The following KBTBD2 variants were observed in gnomAD, a reference collection of about 807,000 sequenced individuals.
KBTBD2 encodes kelch repeat and BTB domain-containing protein 2.
A neutral mutation model predicts 57.1 loss-of-function variants in KBTBD2; 17 were observed. The ratio of observed to expected loss-of-function variants is 0.30; its 90% CI spans 0.20 to 0.45. The LOEUF is 0.45. KBTBD2 is among the 20% of genes least tolerant of loss of function. KBTBD2 has a pLI of 1.00. For synonymous variants in KBTBD2, 267 were observed against 262.7 expected (o/e 1.02, Z -0.16); for missense variants, 515 against 750.6 (o/e 0.69, Z 3.67).
intron 1 of KBTBD2, among the ~76,000 whole-genome samples, chr7:32,888,090 TTC>T (rs1784625418): frequency 6.6e-6 from 1 of 152,268 alleles, no homozygotes; most frequent in African/African-American, 2.4e-5. Flanking sequence ...TCTTTTTTCA[TTC>T]TGTCTAAATG....
rs1194293367 is a variant in KBTBD2, at chr7:32,870,278, A to C, written c.939T>G (p.Thr313=). The C allele has an allele frequency of 1.9e-6, 3 of 1,614,144 alleles. No individual in the cohort carries two copies. Among genetic ancestry groups the C allele is most frequent in the Non-Finnish European group, 2.5e-6 (3 of 1,180,002 alleles). Residue 313 remains threonine (T), a synonymous_variant, in exon 4 of 4, where the codon ACT becomes ACG. Coordinates refer to ENST00000304056, the MANE Select transcript of KBTBD2 (RefSeq NM_015483.3). ...CTGCTATGTAGATATCATTATCAGG[A>C]GTTACAACGGTCCCAACCTTATGCA... ...ADLHKVGTVV[T]PDNDIYIAGG...
At chr7:32,888,652 A>ATCAC (rs1784643844) in intron 1 of KBTBD2, among the ~76,000 whole-genome samples, 4 of 151,052 alleles carry the variant, frequency 2.6e-5, no homozygotes, top group East Asian at 2.0e-4. Context: ...CCGAGATCGC[A>ATCAC]TCACTGCACT....
At chr7:32,878,138 T>C (rs1037941594) in intron 2 of KBTBD2, among the ~76,000 whole-genome samples, 7 of 150,902 alleles carry the variant, frequency 4.6e-5, no homozygotes, top group Admixed American at 1.3e-4. Context: ...ATTGTAGGCA[T>C]AGCAAAGGCA....
chr7:32,876,800 T>C (rs545735633), intron 2 of KBTBD2, among the ~76,000 whole-genome samples: 6 of 151,832 alleles, frequency 4.0e-5, no homozygotes, highest in Non-Finnish European at 8.8e-5. Context: ...CACTAAAAAA[T>C]ACAAAAATTT....
chr7:32,888,024 C>T lies in KBTBD2; in HGVS notation c.-339+3512G>A, dbSNP rs541140601. 2.0e-5 allele frequency among the ~76,000 whole-genome samples: 3 copies of T among 152,318 alleles called. No individual in the cohort carries two copies. In the South Asian group the frequency reaches 6.2e-4, roughly 32 times the overall value. ...ACTTTCCCAACTCCTGGATTCCACA[C>T]CTTCACCAGGTCCGAAGATTCCAAT... is the stretch of plus-strand genomic sequence containing the variant. On this transcript the variant is annotated intron_variant, in intron 1 of 3. Coordinates refer to ENST00000304056, the MANE Select transcript of KBTBD2 (RefSeq NM_015483.3).
chr7:32,880,743 TA>T (rs1784426348), intron 1 of KBTBD2, among the ~76,000 whole-genome samples: 1 of 152,180 alleles, frequency 6.6e-6, no homozygotes, highest in African/African-American at 2.4e-5. Context: ...GGCAAGTTTT[TA>T]ATGATTTTTA....
At chr7:32,878,463 C>T (rs1784369980) in intron 2 of KBTBD2, among the ~76,000 whole-genome samples, 1 of 151,886 alleles carries the variant, frequency 6.6e-6, no homozygotes, top group Non-Finnish European at 1.5e-5. Context: ...GCCTGTAATC[C>T]CAGCTACTTG....
In KBTBD2 at chr7:32,869,161, A is replaced by G. The variant is rs1784101942; in HGVS notation, c.*184T>C. 1.9e-6 allele frequency: 1 copy of G among 525,320 alleles called. No individual in the cohort carries two copies. Among genetic ancestry groups the G allele is most frequent in the South Asian group, 3.0e-5 (1 of 33,154 alleles). The allele number at this position is 525,320 out of a possible 1,614,324, so 32.5% of individuals were successfully genotyped here. A position where few individuals can be genotyped will look rare whatever the true frequency, so the allele number is the denominator to read the frequency against. ...ATAATCTATTTCATATTATGGAAGC[A>G]TATCTTTCTGTAAGACTCACTGATA... On this transcript the variant is annotated 3_prime_UTR_variant, in exon 4 of 4. Transcript: ENST00000304056.
At chr7:32,889,243 A>G (rs1784665351) in intron 1 of KBTBD2, among the ~76,000 whole-genome samples, 1 of 151,582 alleles carries the variant, frequency 6.6e-6, no homozygotes, top group African/African-American at 2.4e-5. Flanking sequence ...GTGAGCCAAG[A>G]TCGCGCCACC....
intron 3 of KBTBD2, among the ~76,000 whole-genome samples, chr7:32,873,984 C>T (rs1784245693): frequency 6.6e-6 from 1 of 152,026 alleles, no homozygotes; most frequent in African/African-American, 2.4e-5. Context: ...ATTACTGGGC[C>T]AGGCATGGTG....
intron 3 of KBTBD2, among the ~76,000 whole-genome samples, chr7:32,873,881 A>G (rs1208349654): frequency 6.6e-6 from 1 of 152,266 alleles, no homozygotes; most frequent in East Asian, 1.9e-4. Flanking sequence ...TGGGTAATCA[A>G]ATCCTATTGT....
intron 3 of KBTBD2, among the ~76,000 whole-genome samples, chr7:32,871,313 C>T (rs1044924205): frequency 2.0e-5 from 3 of 152,150 alleles, no homozygotes; most frequent in Non-Finnish European, 4.4e-5. Flanking sequence ...AACACAGTCA[C>T]ATAAAACCAG....
chr7:32,879,696 C>G lies in KBTBD2; in HGVS notation c.-92G>C. 3.9e-6 allele frequency: 4 copies of G among 1,019,674 alleles called. No individual in the cohort carries two copies. The highest frequency in any genetic ancestry group is 5.9e-6 in the Non-Finnish European group (4 of 680,780). 63.2% of individuals were successfully genotyped at this position (1,019,674 alleles called of 1,614,324 possible). On this transcript the variant is annotated 5_prime_UTR_variant, in exon 2 of 4. Transcript: ENST00000304056. ...TGAATACTTCAGAAATAAAGGAGAACCTACTTGCTGTTATCTGCAGCATTC... is the reference window on the plus strand; with the variant it reads ...TGAATACTTCAGAAATAAAGGAGAAGCTACTTGCTGTTATCTGCAGCATTC...
chr7:32,887,611 G>C (rs1435719874), intron 1 of KBTBD2, among the ~76,000 whole-genome samples: 1 of 152,186 alleles, frequency 6.6e-6, no homozygotes, highest in Non-Finnish European at 1.5e-5. Flanking sequence ...CCTGTAGGAA[G>C]CACATTCAAA....
chr7:32,869,602 G>C lies in KBTBD2; in HGVS notation c.1615C>G (p.Arg539Gly). Reference protein sequence around the residue: ...VISNSLCVFMRETHLNERAKY... With the variant: ...VISNSLCVFMGETHLNERAKY... ...GCTCGCTCATTTAAGTGGGTTTCTCGCATAAACACACATAGAGAATTTGAG... is the reference window on the plus strand; with the variant it reads ...GCTCGCTCATTTAAGTGGGTTTCTCCCATAAACACACATAGAGAATTTGAG... The change falls in exon 4 of 4, where the codon CGA (arginine) becomes GGA (glycine). Residue 539 changes from arginine to glycine, a missense_variant. Physicochemically the swap from Arg to Gly is moderately radical, Grantham distance 125 (BLOSUM62 -2). Coordinates refer to ENST00000304056, the MANE Select transcript of KBTBD2 (RefSeq NM_015483.3). The C allele has an allele frequency of 2.5e-6, 4 of 1,614,068 alleles. No individual in the cohort carries two copies. Among genetic ancestry groups the C allele is most frequent in the Non-Finnish European group, 3.4e-6 (4 of 1,179,998 alleles).
chr7:32,885,297 T>C (rs1241709821), intron 1 of KBTBD2, among the ~76,000 whole-genome samples: 2 of 151,958 alleles, frequency 1.3e-5, no homozygotes, highest in Non-Finnish European at 2.9e-5. Flanking sequence ...TTTAAATTCC[T>C]GAACGCGGAA....
chr7:32,877,132 C>T (rs112671824), intron 2 of KBTBD2, among the ~76,000 whole-genome samples: 24,406 of 151,926 alleles, frequency 0.16, 2,691 homozygotes, highest in Admixed American at 0.32. Flanking sequence ...GATTCTCCTA[C>T]TTCAGCATCC....
Position 32,870,353 on chromosome 7 carries a change from G to A in KBTBD2, c.864C>T (p.Tyr288=). ...NPCSLYSSVC[Y]SPQAEKVYKL... ...TGTAAACTTTTTCTGCTTGGGGGCT[G>A]TAACAGACAGAAGAGTAAAGACTAC... The change falls in exon 4 of 4, where the codon TAC becomes TAT. Residue 288 remains tyrosine, a synonymous_variant. Coordinates refer to ENST00000304056, the MANE Select transcript of KBTBD2 (RefSeq NM_015483.3). The A allele has an allele frequency of 6.2e-7, 1 of 1,613,442 alleles. No homozygotes were observed. Among genetic ancestry groups the A allele is most frequent in the South Asian group, 1.1e-5 (1 of 90,982 alleles).
chr7:32,881,100 C>CA (rs10617384), intron 1 of KBTBD2, among the ~76,000 whole-genome samples: 24 of 125,712 alleles, frequency 1.9e-4, no homozygotes, highest in Admixed American at 5.0e-4. Context: ...GACACCGTCT[C>CA]AAAAAAAAAA....
Sources: gnomAD v4.1 joint callset for allele counts (sites outside exome capture counted in the v4.1 genomes callset) on GRCh38, gnomAD v4.1.1 for gene constraint, MANE v1.5 for transcripts, NCBI Gene and HGNC (gene_info 2026-07-23, HGNC 2026-07-21) for gene names.